The following CNTNAP2 variants were observed in gnomAD, a reference collection of about 807,000 sequenced individuals.
CNTNAP2 encodes the protein contactin associated protein 2, also known as contactin-associated protein-like 2.
A neutral mutation model predicts 155.2 loss-of-function variants in CNTNAP2; 98 were observed. That is an observed-to-expected ratio of 0.63 (90% CI 0.54 to 0.75). The LOEUF is 0.75. Ranked by LOEUF, CNTNAP2 falls within the 30% of genes least tolerant of loss-of-function variation. CNTNAP2 has a pLI of 0.00. For synonymous variants in CNTNAP2, 651 were observed against 631.2 expected (o/e 1.03, Z -0.47); for missense variants, 1,727 against 1,688.1 (o/e 1.02, Z -0.40).
intron 15 of CNTNAP2, among the ~76,000 whole-genome samples, chr7:147,988,602 A>G (rs532529235): frequency 1.3e-5 from 2 of 152,188 alleles, no homozygotes; most frequent in East Asian, 1.9e-4. Context: ...TTAAAAAAAA[A>G]CAATCAGAGT....
intron 21 of CNTNAP2, among the ~76,000 whole-genome samples, chr7:148,273,647 T>C (rs2373348): frequency 0.73 from 110,362 of 152,130 alleles, 40,360 homozygotes; most frequent in South Asian, 0.86. Context: ...AGAAGCTGAA[T>C]ACTAATGCAG....
chr7:146,524,417 A>T (rs1797658678), intron 1 of CNTNAP2, among the ~76,000 whole-genome samples: 1 of 152,064 alleles, frequency 6.6e-6, no homozygotes, highest in African/African-American at 2.4e-5. Flanking sequence ...TGATAGTAGC[A>T]TAGTTGCTTG....
chr7:147,176,732 A>ATAGAATTATATATTATATATAAT (rs1802349347), intron 8 of CNTNAP2, among the ~76,000 whole-genome samples: 2 of 107,114 alleles, frequency 1.9e-5, no homozygotes, highest in African/African-American at 6.4e-5. Context: ...ATTATATATA[A>ATAGAATTATATATTATATATAAT]TAGAATTATA....
chr7:147,984,924 G>A (rs1801589982), intron 15 of CNTNAP2, among the ~76,000 whole-genome samples: 1 of 151,996 alleles, frequency 6.6e-6, no homozygotes, highest in Non-Finnish European at 1.5e-5. Context: ...AGACCAGCCT[G>A]GCCAACATGG....
chr7:147,852,612 C>A (rs1798967034), intron 13 of CNTNAP2, among the ~76,000 whole-genome samples: 1 of 152,186 alleles, frequency 6.6e-6, no homozygotes. Flanking sequence ...AGTTTTCATT[C>A]ATTGCAAGAA....
chr7:147,690,279 T>C (rs1236089200), intron 13 of CNTNAP2, among the ~76,000 whole-genome samples: 4 of 152,190 alleles, frequency 2.6e-5, no homozygotes. Context: ...GTAACTCTGA[T>C]ACCACCTTCT....
At chr7:147,527,839 GAGA>G (rs1799354457) in intron 11 of CNTNAP2, among the ~76,000 whole-genome samples, 1 of 152,200 alleles carries the variant, frequency 6.6e-6, no homozygotes, top group African/African-American at 2.4e-5. Context: ...CTGAGACTAG[GAGA>G]AGGATTATTT....
chr7:147,220,683 T>C (rs1420856770), intron 8 of CNTNAP2, among the ~76,000 whole-genome samples: 1 of 152,190 alleles, frequency 6.6e-6, no homozygotes, highest in East Asian at 1.9e-4. Flanking sequence ...ACGTGTTCTC[T>C]CCTCACTTAG....
intron 8 of CNTNAP2, among the ~76,000 whole-genome samples, chr7:147,273,320 G>A (rs1047920272): frequency 6.6e-6 from 1 of 152,066 alleles, no homozygotes; most frequent in African/African-American, 2.4e-5. Flanking sequence ...TGGTTTTGAA[G>A]CTTCAGGTTG....
intron 1 of CNTNAP2, among the ~76,000 whole-genome samples, chr7:146,721,524 ATATT>A (rs1330474331): frequency 4.2e-4 from 53 of 124,706 alleles, no homozygotes; most frequent in Non-Finnish European, 8.0e-4. Flanking sequence ...CATTCTATAT[ATATT>A]CTATATACAT....
chr7:147,665,494 G>T (rs998615224), intron 13 of CNTNAP2, among the ~76,000 whole-genome samples: 2 of 152,076 alleles, frequency 1.3e-5, no homozygotes, highest in Non-Finnish European at 2.9e-5. Context: ...TTAAGTTTAG[G>T]GATACAAGGG....
chr7:146,458,049 A>C (rs758024076), intron 1 of CNTNAP2, among the ~76,000 whole-genome samples: 12 of 152,124 alleles, frequency 7.9e-5, no homozygotes, highest in Admixed American at 2.0e-4. Context: ...AAACTGATGC[A>C]GGAACAGAAA....
chr7:147,217,987 G>A (rs1437961433), intron 8 of CNTNAP2, among the ~76,000 whole-genome samples: 1 of 151,730 alleles, frequency 6.6e-6, no homozygotes, highest in Non-Finnish European at 1.5e-5. Context: ...TATAGTAATG[G>A]CCCACCTTTA....
intron 13 of CNTNAP2, among the ~76,000 whole-genome samples, chr7:147,860,459 G>A (rs909698734): frequency 6.6e-6 from 1 of 151,670 alleles, no homozygotes; most frequent in African/African-American, 2.4e-5. Context: ...GTGTGGTGGT[G>A]GGTGTCTATA....
chr7:146,148,585 A>T (rs1180389272), intron 1 of CNTNAP2, among the ~76,000 whole-genome samples: 1 of 152,128 alleles, frequency 6.6e-6, no homozygotes, highest in African/African-American at 2.4e-5. Flanking sequence ...TTTATTTTTT[A>T]TGCTGGGAAA....
intron 15 of CNTNAP2, among the ~76,000 whole-genome samples, chr7:148,010,461 G>T (rs1802057927): frequency 6.6e-6 from 1 of 151,106 alleles, no homozygotes. Flanking sequence ...TTTCTTTTAT[G>T]ATGTCTTTTT....
At chr7:146,665,941 A>T (rs58210255) in intron 1 of CNTNAP2, among the ~76,000 whole-genome samples, 122,684 of 151,712 alleles carry the variant, frequency 0.81, 50,227 homozygotes, top group South Asian at 0.91. Context: ...ATTAATCAGA[A>T]TGGGATAATT....
intron 1 of CNTNAP2, among the ~76,000 whole-genome samples, chr7:146,747,941 G>A (rs777819662): frequency 1.2e-4 from 18 of 151,634 alleles, no homozygotes; most frequent in Non-Finnish European, 2.1e-4. Flanking sequence ...AATTATTCAC[G>A]GGATGAAACT....
intron 1 of CNTNAP2, among the ~76,000 whole-genome samples, chr7:146,444,652 CCTCT>C (rs1015406361): frequency 6.7e-6 from 1 of 148,910 alleles, no homozygotes; most frequent in South Asian, 2.1e-4. Context: ...ATCCATAGAT[CCTCT>C]CTCTCTTTTT....
Sources: allele counts gnomAD v4.1 joint callset (sites outside exome capture counted in the v4.1 genomes callset), GRCh38; gene constraint gnomAD v4.1.1; transcripts MANE v1.5; gene names NCBI Gene and HGNC (gene_info 2026-07-23, HGNC 2026-07-21).